SMARCA2: variants seen among roughly 807,000 people sequenced by gnomAD.
SMARCA2 encodes the protein SWI/SNF-related matrix-associated actin-dependent regulator of chromatin subfamily A member 2.
SMARCA2 carries 61 observed loss-of-function variants against 199.8 expected under a neutral mutation model. The ratio of observed to expected loss-of-function variants is 0.31; its 90% CI spans 0.25 to 0.38. The LOEUF is 0.38. SMARCA2 is among the 10% of genes least tolerant of loss of function. SMARCA2 has a pLI of 1.00. For missense variants in SMARCA2, 1,344 were observed against 2,012.2 expected (o/e 0.67, Z 6.35); for synonymous variants, 935 against 732.0 (o/e 1.28, Z -4.48).
chr9:2,125,551 G>C (rs1353881150), intron 27 of SMARCA2, among the ~76,000 whole-genome samples: 2 of 147,134 alleles, frequency 1.4e-5, no homozygotes, highest in Non-Finnish European at 3.0e-5. Flanking sequence ...GTGCAATGGT[G>C]TGGTCTCAGC....
At chr9:2,073,383 T>C (rs376982175) in intron 11 of SMARCA2, 41 bp downstream of exon 11, 1 of 1,610,922 alleles carries the variant, frequency 6.2e-7, no homozygotes, top group African/African-American at 1.3e-5. Context: ...CTTTTAGCTT[T>C]TTAGATTTTG....
intron 14 of SMARCA2, 78 bp from the exon 15 acceptor site, chr9:2,081,754 A>T: frequency 7.4e-7 from 1 of 1,350,374 alleles, no homozygotes; most frequent in Non-Finnish European, 1.0e-6. Flanking sequence ...TTAAGAAGTC[A>T]CACCCTCACT....
At chr9:2,111,413 G>A (rs936489579) in intron 24 of SMARCA2, among the ~76,000 whole-genome samples, 2 of 149,898 alleles carry the variant, frequency 1.3e-5, no homozygotes, top group African/African-American at 4.9e-5. Context: ...GATTGTTTGA[G>A]TCTGGGAGGC....
At chr9:2,159,771 G>C (rs1436525971) in intron 27 of SMARCA2, 7 of 1,572,954 alleles carry the variant, frequency 4.5e-6, no homozygotes, top group Non-Finnish European at 6.0e-6. Flanking sequence ...ACTTGTATAT[G>C]AAAACACAGC....
chr9:2,139,029 C>G (rs1269179167), intron 27 of SMARCA2, among the ~76,000 whole-genome samples: 1 of 151,166 alleles, frequency 6.6e-6, no homozygotes, highest in African/African-American at 2.4e-5. Context: ...GGGGACTCAC[C>G]TGTAGCATCT....
chr9:2,088,691 T>C (rs1821915237), intron 19 of SMARCA2, 78 bp downstream of exon 19: 1 of 992,770 alleles, frequency 1.0e-6, no homozygotes. Context: ...TCTGAAATTG[T>C]GTTTCTGAAA....
chr9:2,025,722 C>T (rs1037128542), intron 1 of SMARCA2, among the ~76,000 whole-genome samples: 1 of 152,122 alleles, frequency 6.6e-6, no homozygotes, highest in African/African-American at 2.4e-5. Flanking sequence ...GAGACTAGCA[C>T]CTCTTTCTAA....
rs182114288 is a variant in SMARCA2, at chr9:2,137,985, A to G, written c.3981+14048A>G. Among the ~76,000 whole-genome samples, 73 of 152,292 alleles carry G rather than the reference A, an allele frequency of 4.8e-4. No individual in the cohort carries two copies. The East Asian group carries it at 0.013, about 27-fold the overall frequency. On this transcript the variant is annotated intron_variant, in intron 27 of 33. Coordinates refer to ENST00000349721, the MANE Select transcript of SMARCA2 (RefSeq NM_003070.5). Reference sequence around the variant, plus strand: ...ATAATTCTAAAGGCACACATTTTTGATGTAACAGTGCTTTTGAGCTTTAAG... The same window carrying G: ...ATAATTCTAAAGGCACACATTTTTGGTGTAACAGTGCTTTTGAGCTTTAAG...
chr9:2,174,091 G>C (rs1370580585), intron 29 of SMARCA2, among the ~76,000 whole-genome samples: 1 of 152,102 alleles, frequency 6.6e-6, no homozygotes, highest in Non-Finnish European at 1.5e-5. Context: ...AATAAACTTA[G>C]TCCGTCTGTT....
chr9:2,116,106 G>T, intron 25 of SMARCA2, 57 bp downstream of exon 25: 1 of 1,294,500 alleles, frequency 7.7e-7, no homozygotes, highest in Non-Finnish European at 1.1e-6. Context: ...GTCTCTGAAG[G>T]ACTCAGAATA....
At chr9:2,050,364 C>A (rs1820062896) in intron 5 of SMARCA2, among the ~76,000 whole-genome samples, 1 of 151,058 alleles carries the variant, frequency 6.6e-6, no homozygotes, top group Non-Finnish European at 1.5e-5. Context: ...ACTTTTGATG[C>A]CTTCTCATTG....
chr9:2,053,307 G>C (rs1243695699), intron 5 of SMARCA2, among the ~76,000 whole-genome samples: 2 of 152,158 alleles, frequency 1.3e-5, no homozygotes, highest in Admixed American at 1.3e-4. Flanking sequence ...ACATGATTTG[G>C]TTCTTTTTTA....
At chr9:2,067,369 A>G (rs1262056799) in intron 9 of SMARCA2, among the ~76,000 whole-genome samples, 4 of 152,256 alleles carry the variant, frequency 2.6e-5, no homozygotes, top group African/African-American at 9.6e-5. Flanking sequence ...GGAATGCACC[A>G]GTGAACAAAA....
At chr9:2,178,827 C>G (rs1286702311) in intron 29 of SMARCA2, among the ~76,000 whole-genome samples, 1 of 152,118 alleles carries the variant, frequency 6.6e-6, no homozygotes, top group East Asian at 1.9e-4. Flanking sequence ...AGGTACTGCC[C>G]AGGACCTCCT....
chr9:2,024,524 G>GA (rs1490348843), intron 1 of SMARCA2, among the ~76,000 whole-genome samples: 3 of 152,190 alleles, frequency 2.0e-5, no homozygotes, highest in Non-Finnish European at 4.4e-5. Context: ...TTCAGTTGAT[G>GA]ACATGGTCTT....
At chr9:2,151,190 C>T (rs79934689) in intron 27 of SMARCA2, among the ~76,000 whole-genome samples, 6,629 of 151,478 alleles carry the variant, frequency 0.044, 576 homozygotes, top group African/African-American at 0.15. Flanking sequence ...GATTTGTTAG[C>T]GAGCGTCTGT....
At chr9:2,040,053 A>T in intron 4 of SMARCA2, 153 bp downstream of exon 4, 1 of 1,398,002 alleles carries the variant, frequency 7.2e-7, no homozygotes, top group Non-Finnish European at 9.5e-7. Context: ...TTAGATGGCC[A>T]AGATTCTTGG....
chr9:2,069,060 G>C (rs1820968980), intron 9 of SMARCA2: 1 of 151,648 alleles, frequency 6.6e-6, no homozygotes, highest in African/African-American at 2.4e-5. Flanking sequence ...GGGACTACAG[G>C]TACCCACCAC....
In SMARCA2 at chr9:2,047,441, C is replaced by G. The variant is rs1364506447; in HGVS notation, c.1003C>G (p.Gln335Glu). The G allele has an allele frequency of 2.5e-6, 4 of 1,579,204 alleles. No homozygotes were observed. Among genetic ancestry groups the G allele is most frequent in the Non-Finnish European group, 2.6e-6 (3 of 1,164,694 alleles). Residue 335 changes from glutamine (Q) to glutamate (E), a missense_variant, in exon 5 of 34, where the codon CAA becomes GAA. Physicochemically the swap from Gln to Glu is conservative, Grantham distance 29. Transcript: ENST00000349721. ...QSRISPIQKP[Q>E]GLDPVEILQE... ...CCGCATCAGCCCCATCCAGAAACCG[C>G]AAGGCCTGGACCCCGTGGAAATTCT...
Sources: gnomAD v4.1 joint callset for allele counts (sites outside exome capture counted in the v4.1 genomes callset) on GRCh38, gnomAD v4.1.1 for gene constraint, MANE v1.5 for transcripts, NCBI Gene and HGNC (gene_info 2026-07-23, HGNC 2026-07-21) for gene names.